The following LY75 variants were observed in gnomAD, a reference collection of about 807,000 sequenced individuals.
LY75 encodes lymphocyte antigen 75.
LY75 carries 185 observed loss-of-function variants against 231.7 expected under a neutral mutation model. The observed-to-expected ratio is 0.80, with a 90% confidence interval of 0.71 to 0.90. LY75 has a LOEUF of 0.90. Ranked by LOEUF, LY75 falls within the 40% of genes least tolerant of loss-of-function variation. The pLI, the probability that LY75 is intolerant of heterozygous loss-of-function variation, is 0.00. For synonymous variants in LY75, 668 were observed against 689.0 expected, an observed-to-expected ratio of 0.97 and a Z score of 0.48; for missense variants, 1,947 against 2,050.2, an observed-to-expected ratio of 0.95 and a Z score of 0.97.
Position 159,821,128 on chromosome 2 carries a change from G to A in LY75, c.3959-1208C>T, listed in dbSNP as rs185298430. On this transcript the variant is annotated intron_variant, in intron 28 of 34. Transcript: ENST00000263636. The stretch of plus-strand genomic sequence containing the variant: ...GCTGCGATTATAGGCATGAGCCACC[G>A]TGCCTGGCCAGTCAATTGATTTTTA... 7.2e-5 allele frequency among the ~76,000 whole-genome samples: 11 copies of A among 151,926 alleles called. No homozygotes were observed. The South Asian group carries it at 1.7e-3, about 23-fold the overall frequency.
In LY75 at chr2:159,900,384, C is replaced by T. The variant is rs548840578; in HGVS notation, c.95-1325G>A. Among the ~76,000 whole-genome samples the T allele has an allele frequency of 9.8e-5, 15 of 152,316 alleles. 1 individual carries two copies. In the South Asian group the frequency reaches 2.7e-3, roughly 27 times the overall value. On this transcript the variant is annotated intron_variant, in intron 1 of 34. Coordinates refer to ENST00000263636, the MANE Select transcript of LY75 (RefSeq NM_002349.4). Reference sequence around the variant, plus strand: ...TACAAAGGAAAATTTTAAACAATTACAGCACAAATCATGTTGATAAGAGTA... The same window carrying T: ...TACAAAGGAAAATTTTAAACAATTATAGCACAAATCATGTTGATAAGAGTA...
At position 159,808,457 on chromosome 2, in the gene LY75, T is replaced by C. The variant is rs778416021; in HGVS notation, c.4814A>G (p.His1605Arg). Residue 1605 changes from histidine (H) to arginine (R), a missense_variant, in exon 33 of 35, where the codon CAT (histidine) becomes CGT (arginine). By Grantham distance (29) the His-to-Arg change is conservative (BLOSUM62 0). Transcript: ENST00000263636. ...ACAATTATTTCACTTACCAACAGAA[T>C]GTTGAGATAATCCAAGCCAAACTCT... The part of the protein sequence containing the change: ...TMRVWLGLSQ[H>R]SVDQSWSWLD... The C allele has an allele frequency of 6.8e-6, 11 of 1,613,796 alleles. No individual in the cohort carries two copies. The African/African-American group carries it at 1.2e-4, about 18-fold the overall frequency.
At chr2:159,901,269 C>G (rs1318353399) in intron 1 of LY75, among the ~76,000 whole-genome samples, 1 of 152,206 alleles carries the variant, frequency 6.6e-6, no homozygotes, top group East Asian at 1.9e-4. Flanking sequence ...TCATGGCCTT[C>G]TCCCACAATT....
At chr2:159,842,831 A>G (rs1684080779) in intron 23 of LY75, among the ~76,000 whole-genome samples, 1 of 152,080 alleles carries the variant, frequency 6.6e-6, no homozygotes, top group Non-Finnish European at 1.5e-5. Flanking sequence ...TCATTTTCTA[A>G]TCACAATCAA....
At chr2:159,828,995 G>A (rs1293969080) in intron 28 of LY75, among the ~76,000 whole-genome samples, 1 of 152,160 alleles carries the variant, frequency 6.6e-6, no homozygotes, top group Non-Finnish European at 1.5e-5. Context: ...TGGTTGCTGA[G>A]GACTAGGAGA....
chr2:159,867,012 T>C (rs1684876024), intron 13 of LY75, among the ~76,000 whole-genome samples: 1 of 152,118 alleles, frequency 6.6e-6, no homozygotes, highest in Non-Finnish European at 1.5e-5. Context: ...TAGAAACATC[T>C]CTGCTTTCAA....
At position 159,884,183 on chromosome 2, in the gene LY75, C is replaced by T. The variant is rs146598746; in HGVS notation, c.1054+970G>A. On this transcript the variant is annotated intron_variant, in intron 6 of 34. Coordinates refer to ENST00000263636, the MANE Select transcript of LY75 (RefSeq NM_002349.4). ...GATGTGACTTGCTCCTCCTTGCCTT[C>T]GGCCATGATTGTGAGACCTCCCCAG... Among the ~76,000 whole-genome samples, 794 of 152,334 alleles carry T rather than the reference C, an allele frequency of 5.2e-3. 4 individuals are homozygous for T. The highest frequency in any genetic ancestry group is 8.3e-3 in the Non-Finnish European group (568 of 68,028).
intron 2 of LY75, among the ~76,000 whole-genome samples, chr2:159,896,517 A>G (rs1222288762): frequency 6.6e-6 from 1 of 152,134 alleles, no homozygotes; most frequent in African/African-American, 2.4e-5. Context: ...GTAACCTTGG[A>G]TTTCACTTTG....
At chr2:159,807,253 TA>T in intron 33 of LY75, 113 bp from the exon 34 acceptor site, 1 of 1,198,088 alleles carries the variant, frequency 8.3e-7, no homozygotes. Flanking sequence ...AGCCACTTGT[TA>T]AAATAAAATG....
intron 13 of LY75, among the ~76,000 whole-genome samples, chr2:159,866,578 G>A (rs181323264): frequency 3.3e-5 from 5 of 152,230 alleles, no homozygotes; most frequent in East Asian, 1.9e-4. Context: ...TCAGCTCATC[G>A]GAGCTCTCTT....
In LY75 at chr2:159,885,289, C is replaced by A; in HGVS notation, c.918G>T (p.Arg306Ser). 1 of 1,612,696 alleles carries A rather than the reference C, an allele frequency of 6.2e-7. No homozygotes were observed. Among genetic ancestry groups the A allele is most frequent in the Non-Finnish European group, 8.5e-7 (1 of 1,179,266 alleles). The change falls in exon 6 of 35, where the codon AGG becomes AGT. Residue 306 changes from arginine to serine, a missense_variant. Arg to Ser is a moderately radical substitution (Grantham distance 110). Coordinates refer to ENST00000263636, the MANE Select transcript of LY75 (RefSeq NM_002349.4). ...PLNFLNWDPD[R>S]PSAPTIGGSS... is the part of the protein sequence containing the mutation. The stretch of plus-strand genomic sequence containing the variant: ...AGCCACCTATAGTAGGTGCACTGGG[C>A]CTGTCTTAAAAGGGAACATTTTTCA...
chr2:159,813,295 C>G (rs145635143), intron 31 of LY75, among the ~76,000 whole-genome samples: 7 of 151,392 alleles, frequency 4.6e-5, no homozygotes, highest in Non-Finnish European at 8.8e-5. Flanking sequence ...GTTCCATTTT[C>G]TCCACATCTT....
chr2:159,827,583 T>C (rs1191432807), intron 28 of LY75, among the ~76,000 whole-genome samples: 1 of 152,210 alleles, frequency 6.6e-6, no homozygotes, highest in Non-Finnish European at 1.5e-5. Context: ...AGAAATATCA[T>C]TTGACCCAGC....
chr2:159,854,976 A>G, intron 16 of LY75, 37 bp from the exon 17 acceptor site: 1 of 1,612,230 alleles, frequency 6.2e-7, no homozygotes, highest in South Asian at 1.1e-5. Context: ...TTAGTATTCC[A>G]TGACAGATCA....
chr2:159,833,364 A>C (rs1281748802), intron 27 of LY75, among the ~76,000 whole-genome samples: 1 of 152,022 alleles, frequency 6.6e-6, no homozygotes, highest in Non-Finnish European at 1.5e-5. Flanking sequence ...CAATCCTCCC[A>C]CTTCAGCCTT....
chr2:159,855,005 G>A lies in LY75; in HGVS notation c.2384-66C>T. 3.1e-6 allele frequency: 5 copies of A among 1,596,568 alleles called. No individual in the cohort carries two copies. In the East Asian group the frequency reaches 6.8e-5, roughly 22 times the overall value. ...CAGATCAGGGTATACTATAAGTACG[G>A]CCTTTAATGTAGCTCGAAAGGACTT... On this transcript the variant is annotated intron_variant, in intron 16 of 34. Transcript: ENST00000263636.
At chr2:159,858,319 T>A (rs753816933) in intron 16 of LY75, 43 bp downstream of exon 16, 39 of 1,596,718 alleles carry the variant, frequency 2.4e-5, no homozygotes, top group Non-Finnish European at 3.3e-5. Context: ...GCATTCACAA[T>A]GTTAACATGA....
rs748049071 is a variant in LY75, at chr2:159,842,403, A to C, written c.3151-29T>G. The C allele has an allele frequency of 5.0e-6, 8 of 1,595,582 alleles. No homozygotes were observed. In the South Asian group the frequency reaches 7.8e-5, roughly 16 times the overall value. ...AACAAAAAGGCAAATACATACATGC[A>C]ATCATGTAACAATGGTCTGAAGCTC... On this transcript the variant is annotated intron_variant, in intron 23 of 34. Coordinates refer to ENST00000263636, the MANE Select transcript of LY75 (RefSeq NM_002349.4).
At chr2:159,894,774 T>C (rs994900503) in intron 2 of LY75, among the ~76,000 whole-genome samples, 2 of 152,316 alleles carry the variant, frequency 1.3e-5, no homozygotes, top group Admixed American at 6.5e-5. Context: ...AGTGAGGTAG[T>C]AGACATAGCT....
Sources: gnomAD v4.1 joint callset for allele counts (sites outside exome capture counted in the v4.1 genomes callset) on GRCh38, gnomAD v4.1.1 for gene constraint, MANE v1.5 for transcripts, NCBI Gene and HGNC (gene_info 2026-07-23, HGNC 2026-07-21) for gene names.